Variants in FHIP1A observed in about 807,000 individuals in gnomAD.
The protein encoded by FHIP1A is FHF complex subunit HOOK-interacting protein 1A.
Under a neutral mutation model 88.6 loss-of-function variants are expected in FHIP1A, and 61 were observed. The observed-to-expected ratio is 0.69, with a 90% CI of 0.56 to 0.85. FHIP1A has a LOEUF of 0.85. FHIP1A is among the 40% of genes least tolerant of loss of function. The pLI, the probability that FHIP1A is intolerant of heterozygous loss-of-function variation, is 0.00. For synonymous variants in FHIP1A, 478 were observed against 496.0 expected, an observed-to-expected ratio of 0.96 and a Z score of 0.48; for missense variants, 1,154 against 1,273.5, an observed-to-expected ratio of 0.91 and a Z score of 1.43.
chr4:151,576,055 G>T (rs1042020162), intron 4 of FHIP1A, among the ~76,000 whole-genome samples: 4 of 152,176 alleles, frequency 2.6e-5, no homozygotes, highest in Admixed American at 6.5e-5. Flanking sequence ...GGGAGTAAAT[G>T]GAATGAATAT....
chr4:151,540,169 G>C (rs1288019481), intron 3 of FHIP1A, among the ~76,000 whole-genome samples: 1 of 152,128 alleles, frequency 6.6e-6, no homozygotes, highest in Non-Finnish European at 1.5e-5. Context: ...GAACATATGT[G>C]TCATTTTTTA....
intron 10 of FHIP1A, 75 bp downstream of exon 10, chr4:151,646,823 G>T (rs920300749): frequency 4.1e-6 from 4 of 985,910 alleles, no homozygotes; most frequent in Admixed American, 4.6e-5. Context: ...GTGTCCCTTT[G>T]GGTAGACAGG....
chr4:151,413,301 T>A lies in FHIP1A; in HGVS notation c.-356+3836T>A, dbSNP rs1001809505. On this transcript the variant is annotated intron_variant, in intron 1 of 13. Transcript: ENST00000435205. ...CATGATTTACAAATATAGAAGTAAT[T>A]ACCAGAAGAAATAGCTAAAAGAGTT... Among the ~76,000 whole-genome samples, 5 of 152,050 alleles carry A rather than the reference T, an allele frequency of 3.3e-5. No individual in the cohort carries two copies. The East Asian group carries it at 9.6e-4, about 29-fold the overall frequency.
intron 3 of FHIP1A, among the ~76,000 whole-genome samples, chr4:151,484,100 TCCC>T (rs1282774811): frequency 1.3e-5 from 2 of 152,184 alleles, no homozygotes; most frequent in Non-Finnish European, 2.9e-5. Flanking sequence ...ACAGGGCTTT[TCCC>T]AGTTAACTCC....
chr4:151,662,552 G>A lies in FHIP1A; in HGVS notation c.2921G>A (p.Gly974Glu). 1.3e-6 allele frequency: 2 copies of A among 1,550,294 alleles called. No individual in the cohort carries two copies. Among genetic ancestry groups the A allele is most frequent in the Non-Finnish European group, 1.7e-6 (2 of 1,146,192 alleles). ...RTGSGKNLLDGPPRVLQPFLT... is the reference protein window; with the variant it reads ...RTGSGKNLLDEPPRVLQPFLT... ...GGAAGTGGCAAGAACCTTTTGGATG[G>A]ACCTCCAAGAGTGCTTCAGCCCTTC... is the stretch of plus-strand genomic sequence containing the variant. Residue 974 changes from glycine to glutamate, a missense_variant, in exon 14 of 14, where the codon GGA (glycine) becomes GAA (glutamate). Gly to Glu is a moderately conservative substitution (Grantham distance 98). Transcript: ENST00000435205.
At chr4:151,486,737 C>A (rs188025029) in intron 3 of FHIP1A, among the ~76,000 whole-genome samples, 2 of 151,926 alleles carry the variant, frequency 1.3e-5, no homozygotes, top group Non-Finnish European at 2.9e-5. Context: ...GAGGTCGAGG[C>A]GGGCGGATCG....
At chr4:151,607,124 G>T (rs1191600158) in intron 7 of FHIP1A, among the ~76,000 whole-genome samples, 2 of 152,172 alleles carry the variant, frequency 1.3e-5, no homozygotes, top group Non-Finnish European at 2.9e-5. Flanking sequence ...AGATCCAGTT[G>T]TAACCAAGGG....
intron 7 of FHIP1A, among the ~76,000 whole-genome samples, chr4:151,610,213 G>A (rs1735269355): frequency 6.6e-6 from 1 of 152,198 alleles, no homozygotes; most frequent in African/African-American, 2.4e-5. Context: ...GAGTAAATGA[G>A]TTGATACTTT....
intron 2 of FHIP1A, among the ~76,000 whole-genome samples, chr4:151,457,942 A>G (rs765395744): frequency 5.9e-5 from 9 of 152,256 alleles, no homozygotes; most frequent in Admixed American, 1.3e-4. Context: ...TTTGGCTTGA[A>G]GCCTACCAGT....
rs992806815 is a variant in FHIP1A, at chr4:151,586,688, G to A, written c.780G>A (p.Lys260=). 7 of 1,551,080 alleles carry A rather than the reference G, an allele frequency of 4.5e-6. No homozygotes were observed. In the African/African-American group the frequency reaches 8.2e-5, roughly 18 times the overall value. ...GTCTCTACTCTTCCCTGCCTACAAA[G>A]CTAGAAGAGAAAGGCGAGGAATGGC... ...LSGLYSSLPT[K]LEEKGEEWHC... is the part of the protein sequence containing the mutation. The change falls in exon 6 of 14, where the codon AAG becomes AAA. Residue 260 remains lysine, a synonymous_variant. Coordinates refer to ENST00000435205, the MANE Select transcript of FHIP1A (RefSeq NM_001109977.3).
intron 1 of FHIP1A, among the ~76,000 whole-genome samples, chr4:151,429,323 A>G (rs376224365): frequency 6.6e-6 from 1 of 152,262 alleles, no homozygotes. Flanking sequence ...ATGAATGAAT[A>G]ACATGAAAGA....
chr4:151,437,915 AAT>A (rs1471758904), intron 1 of FHIP1A, among the ~76,000 whole-genome samples: 14 of 152,338 alleles, frequency 9.2e-5, no homozygotes, highest in African/African-American at 1.9e-4. Context: ...TTAGTTTAAA[AAT>A]ATGTTATTAT....
rs1736811751 is a variant in FHIP1A at position 151,646,738 on chromosome 4, T to C, written c.1407T>C (p.His469=). 1 of 1,546,204 alleles carries C rather than the reference T, an allele frequency of 6.5e-7. No homozygotes were observed. Among genetic ancestry groups the C allele is most frequent in the Non-Finnish European group, 8.7e-7 (1 of 1,143,048 alleles). ...ATATTCTCTGGTCAAAGTGTATGCA[T>C]GACACTTCAGGTAGGAACTCGCTAG... The part of the protein sequence containing the change: ...RDYILWSKCM[H]DTSGPVERPF... The change falls in exon 10 of 14, where the codon CAT becomes CAC. Residue 469 remains histidine (H), a synonymous_variant. Transcript: ENST00000435205.
intron 7 of FHIP1A, among the ~76,000 whole-genome samples, chr4:151,607,380 AATC>A (rs1199108235): frequency 6.6e-6 from 1 of 152,218 alleles, no homozygotes; most frequent in African/African-American, 2.4e-5. Context: ...GGATTGAAAA[AATC>A]ATATTAAGCA....
chr4:151,648,828 A>G (rs1736889049), intron 10 of FHIP1A, among the ~76,000 whole-genome samples: 1 of 151,522 alleles, frequency 6.6e-6, no homozygotes, highest in Non-Finnish European at 1.5e-5. Context: ...TTTCGCAGCT[A>G]TTTCAGTAGT....
chr4:151,632,794 C>A (rs955467985), intron 8 of FHIP1A, among the ~76,000 whole-genome samples: 2 of 151,932 alleles, frequency 1.3e-5, no homozygotes, highest in African/African-American at 4.8e-5. Context: ...AATGAAAGCA[C>A]AATATACCCA....
At chr4:151,424,303 G>C (rs1733284777) in intron 1 of FHIP1A, among the ~76,000 whole-genome samples, 1 of 152,196 alleles carries the variant, frequency 6.6e-6, no homozygotes, top group African/African-American at 2.4e-5. Context: ...GTCTGGGAAA[G>C]ATGAACATTT....
rs1282977562 is a variant in FHIP1A at position 151,504,607 on chromosome 4, G to GTTATGTTATT, written c.-123+21960_-123+21961insTATGTTATTT. ...GTTATGTTATGTTATGTTATGTTAT[G>GTTATGTTATT]TCATGTTATGTTATGTCATGTTATG... On this transcript the variant is annotated intron_variant, in intron 3 of 13. Coordinates refer to ENST00000435205, the MANE Select transcript of FHIP1A (RefSeq NM_001109977.3). 2.9e-3 allele frequency among the ~76,000 whole-genome samples: 194 copies of GTTATGTTATT among 68,068 alleles called. 12 individuals are homozygous for GTTATGTTATT. The highest frequency in any genetic ancestry group is 6.2e-3 in the African/African-American group (120 of 19,262). The allele number at this position is 68,068 out of a possible 152,430, so 44.7% of individuals were successfully genotyped here. A position where few individuals can be genotyped will look rare whatever the true frequency, so the allele number is the denominator to read the frequency against.
chr4:151,620,878 T>TA lies in FHIP1A; in HGVS notation c.979-8812dup, dbSNP rs149285456. ...TCCCACCCTCCCTACACACCGAGAA[T>TA]AAAAAAAAAAAACCCCACACAAAAC... On this transcript the variant is annotated intron_variant, in intron 7 of 13. Coordinates refer to ENST00000435205, the MANE Select transcript of FHIP1A (RefSeq NM_001109977.3). Among the ~76,000 whole-genome samples, 94 of 139,312 alleles carry TA rather than the reference T, an allele frequency of 6.7e-4. 1 individual carries two copies. Among genetic ancestry groups the TA allele is most frequent in the East Asian group, 4.0e-3 (19 of 4,746 alleles). 91.4% of individuals were successfully genotyped at this position (139,312 alleles called of 152,430 possible). A position where few individuals can be genotyped will look rare whatever the true frequency, so the allele number is the denominator to read the frequency against.
Sources: allele counts gnomAD v4.1 joint callset (sites outside exome capture counted in the v4.1 genomes callset), GRCh38; gene constraint gnomAD v4.1.1; transcripts MANE v1.5; gene names NCBI Gene and HGNC (gene_info 2026-07-23, HGNC 2026-07-21).